GABRB3: variants seen among roughly 807,000 people sequenced by gnomAD.
GABRB3 encodes the protein gamma-aminobutyric acid type A receptor subunit beta3.
Under a neutral mutation model 52.1 loss-of-function variants are expected in GABRB3, and 14 were observed. The ratio of observed to expected loss-of-function variants is 0.27; its 90% confidence interval spans 0.18 to 0.42. The LOEUF (loss-of-function observed/expected upper bound fraction) is 0.42, where lower values mean the gene tolerates loss of function less well. GABRB3 is among the 10% of genes least tolerant of loss of function. The pLI is 1.00. For missense variants in GABRB3, 307 were observed against 609.1 expected (o/e 0.50, Z 5.22); for synonymous variants, 260 against 232.3 (o/e 1.12, Z -1.08).
upstream of GABRB3, chr15:26,773,542 C>T (rs551110359): frequency 4.1e-3 from 3,504 of 861,184 alleles, 18 homozygotes; most frequent in Non-Finnish European, 4.2e-3. Flanking sequence ...CCGCCCGCTG[C>T]AGCGCAGCCC....
chr15:26,624,105 G>T, intron 3 of GABRB3: 1 of 765,376 alleles, frequency 1.3e-6, no homozygotes, highest in Non-Finnish European at 1.6e-6. Flanking sequence ...TGAGTGGTGG[G>T]TAAAGCAAAG....
chr15:26,548,248 T>C, intron 8 of GABRB3, 114 bp from the exon 9 acceptor site: 1 of 857,570 alleles, frequency 1.2e-6, no homozygotes. Flanking sequence ...CGAGAAACTG[T>C]ACATCTGTCA....
intron 3 of GABRB3, among the ~76,000 whole-genome samples, chr15:26,703,183 T>C (rs775604793): frequency 5.9e-5 from 9 of 152,172 alleles, no homozygotes; most frequent in Non-Finnish European, 1.2e-4. Context: ...GACTGGGGAA[T>C]TTATAAAGAA....
chr15:26,546,808 T>C lies in GABRB3; in HGVS notation c.*985A>G, dbSNP rs925424735. 3.9e-5 allele frequency: 6 copies of C among 152,022 alleles called. No individual in the cohort carries two copies. Among genetic ancestry groups the C allele is most frequent in the African/African-American group, 1.5e-4 (6 of 41,370 alleles). 9.4% of individuals were successfully genotyped at this position (152,022 alleles called of 1,614,324 possible). ...AAATATATTTTCTATTAACATACAATGTTATAAGAATGATAACATAACTGC... is the reference window on the plus strand; with the variant it reads ...AAATATATTTTCTATTAACATACAACGTTATAAGAATGATAACATAACTGC... On this transcript the variant is annotated 3_prime_UTR_variant, in exon 9 of 9. Coordinates refer to ENST00000311550, the MANE Select transcript of GABRB3 (RefSeq NM_000814.6).
At chr15:26,633,324 T>C (rs1008427720) in intron 3 of GABRB3, among the ~76,000 whole-genome samples, 2 of 152,246 alleles carry the variant, frequency 1.3e-5, no homozygotes, top group African/African-American at 4.8e-5. Flanking sequence ...CCAGCCATCC[T>C]ACTGCAGCTG....
chr15:26,709,786 G>C (rs1231047204), intron 3 of GABRB3, among the ~76,000 whole-genome samples: 1 of 151,892 alleles, frequency 6.6e-6, no homozygotes, highest in Non-Finnish European at 1.5e-5. Flanking sequence ...CAAAGTGCTG[G>C]GATTACAGGC....
At chr15:26,632,550 GA>G (rs1275128313) in intron 3 of GABRB3, among the ~76,000 whole-genome samples, 1 of 152,230 alleles carries the variant, frequency 6.6e-6, no homozygotes, top group Non-Finnish European at 1.5e-5. Flanking sequence ...CCTACATTCA[GA>G]GGACAAATAC....
At chr15:26,690,770 C>T (rs1223668167) in intron 3 of GABRB3, among the ~76,000 whole-genome samples, 1 of 151,620 alleles carries the variant, frequency 6.6e-6, no homozygotes, top group Non-Finnish European at 1.5e-5. Context: ...TTGCCATTGA[C>T]TCCAAATCAT....
chr15:26,561,752 A>T (rs182518086), intron 7 of GABRB3, among the ~76,000 whole-genome samples: 1 of 152,322 alleles, frequency 6.6e-6, no homozygotes, highest in East Asian at 1.9e-4. Context: ...CATGAGATCC[A>T]GTCCTGAGCT....
At chr15:26,718,266 T>C (rs1325110384) in intron 3 of GABRB3, among the ~76,000 whole-genome samples, 1 of 152,192 alleles carries the variant, frequency 6.6e-6, no homozygotes, top group Non-Finnish European at 1.5e-5. Context: ...TGGAGTGCAA[T>C]GGCACGATCT....
At chr15:26,655,508 C>T (rs1464907115) in intron 3 of GABRB3, among the ~76,000 whole-genome samples, 2 of 152,066 alleles carry the variant, frequency 1.3e-5, no homozygotes, top group Non-Finnish European at 2.9e-5. Flanking sequence ...TTTGGGAGGC[C>T]AAGGCAGGCG....
At chr15:26,577,260 C>G (rs1567122921) in intron 6 of GABRB3, among the ~76,000 whole-genome samples, 1 of 152,136 alleles carries the variant, frequency 6.6e-6, no homozygotes, top group Admixed American at 6.5e-5. Context: ...CAACTGCAAT[C>G]CCAGCACTTT....
At chr15:26,729,548 GTTAA>G (rs1036873901) in intron 3 of GABRB3, among the ~76,000 whole-genome samples, 1 of 152,178 alleles carries the variant, frequency 6.6e-6, no homozygotes, top group Admixed American at 6.5e-5. Context: ...AAGCCTTTAA[GTTAA>G]TCTGGGTATT....
At chr15:26,769,087 G>A (rs1891073940) in intron 3 of GABRB3, among the ~76,000 whole-genome samples, 1 of 152,144 alleles carries the variant, frequency 6.6e-6, no homozygotes. Context: ...GTCTACAATT[G>A]TTTAAAGCAA....
chr15:26,650,188 C>A (rs531640314), intron 3 of GABRB3, among the ~76,000 whole-genome samples: 72 of 152,318 alleles, frequency 4.7e-4, no homozygotes, highest in South Asian at 1.4e-3. Context: ...ACCCCACCAC[C>A]TTCCAAGGCT....
In GABRB3 at chr15:26,546,636, A is replaced by G. The variant is rs1024138413; in HGVS notation, c.*1157T>C. ...TGATTCTTAGTTTCTGAAATTGAAC[A>G]GTAGAAGTGTTTTAGCTTCAATCTT... On this transcript the variant is annotated 3_prime_UTR_variant, in exon 9 of 9. Transcript: ENST00000311550. 7 of 152,618 alleles carry G rather than the reference A, an allele frequency of 4.6e-5. No individual in the cohort carries two copies. Among genetic ancestry groups the G allele is most frequent in the African/African-American group, 1.7e-4 (7 of 41,460 alleles). The allele number at this position is 152,618 out of a possible 1,614,324, so 9.5% of individuals were successfully genotyped here.
chr15:26,712,987 G>A (rs567032630), intron 3 of GABRB3, among the ~76,000 whole-genome samples: 15 of 152,338 alleles, frequency 9.8e-5, no homozygotes, highest in African/African-American at 3.6e-4. Flanking sequence ...AGACGGAGGG[G>A]CGAGGTTGCT....
rs1889960941 is a variant in GABRB3 at position 26,560,980 on chromosome 15, T to C, written c.1032A>G (p.Glu344=). ...RGPQRQKKLA[E]KTAKAKNDRS... Reference sequence around the variant, plus strand: ...GGTCATTCTTTGCCTTGGCTGTCTTTTCTGCAAGCTTCTTCTGCCTTTGAG... The same window carrying C: ...GGTCATTCTTTGCCTTGGCTGTCTTCTCTGCAAGCTTCTTCTGCCTTTGAG... The change falls in exon 8 of 9, where the codon GAA becomes GAG. Residue 344 remains glutamate (E), a synonymous_variant. Transcript: ENST00000311550. 1.2e-6 allele frequency: 2 copies of C among 1,614,180 alleles called. No individual in the cohort carries two copies. Among genetic ancestry groups the C allele is most frequent in the African/African-American group, 2.7e-5 (2 of 75,064 alleles).
At chr15:26,744,673 A>T (rs560199084) in intron 3 of GABRB3, among the ~76,000 whole-genome samples, 73 of 152,134 alleles carry the variant, frequency 4.8e-4, no homozygotes, top group Non-Finnish European at 1.0e-3. Flanking sequence ...TGATCTGCCC[A>T]CCTCGGCCTC....
Sources: allele counts gnomAD v4.1 joint callset (sites outside exome capture counted in the v4.1 genomes callset), GRCh38; gene constraint gnomAD v4.1.1; transcripts MANE v1.5; gene names NCBI Gene and HGNC (gene_info 2026-07-23, HGNC 2026-07-21).